Variants in ZFPM2 observed in about 807,000 individuals in gnomAD.
ZFPM2 encodes zinc finger protein, FOG family member 2.
A neutral mutation model predicts 98.6 loss-of-function variants in ZFPM2; 20 were observed. The observed-to-expected ratio is 0.20, with a 90% CI of 0.14 to 0.29. The LOEUF is 0.29. Among genes scored for constraint, ZFPM2 ranks in the 10% least tolerant of loss-of-function variants. The pLI is 1.00. For missense variants in ZFPM2, 1,310 were observed against 1,388.6 expected, an observed-to-expected ratio of 0.94 and a Z score of 0.90; for synonymous variants, 518 against 502.7, an observed-to-expected ratio of 1.03 and a Z score of -0.41.
At chr8:105,741,424 A>G (rs1812212700) in intron 5 of ZFPM2, among the ~76,000 whole-genome samples, 1 of 152,102 alleles carries the variant, frequency 6.6e-6, no homozygotes. Context: ...AGATCAAGAA[A>G]TTATAGTATA....
chr8:105,794,699 G>C (rs1586275233), intron 6 of ZFPM2, among the ~76,000 whole-genome samples: 1 of 152,326 alleles, frequency 6.6e-6, no homozygotes, highest in East Asian at 1.9e-4. Context: ...GCCTACAGAG[G>C]CAGGCAGACC....
At position 105,798,708 on chromosome 8, in the gene ZFPM2, G is replaced by C. The variant is rs553442012; in HGVS notation, c.740-16G>C. The C allele has an allele frequency of 3.1e-6, 5 of 1,603,636 alleles. No homozygotes were observed. The African/African-American group carries it at 6.7e-5, about 21-fold the overall frequency. On this transcript the variant is annotated splice_polypyrimidine_tract_variant and intron_variant, in intron 6 of 7. Coordinates refer to ENST00000407775, the MANE Select transcript of ZFPM2 (RefSeq NM_012082.4). ...ATGGACAGCAGCAAATGTGTCTCTT[G>C]TGTTTTTACCTGCAGAGGATATATT...
At chr8:105,669,535 C>CGT (rs774418053) in intron 5 of ZFPM2, among the ~76,000 whole-genome samples, 12,227 of 130,866 alleles carry the variant, frequency 0.093, 692 homozygotes, top group African/African-American at 0.17. Flanking sequence ...TGAAAGTGTG[C>CGT]ATGTGTGTGT....
intron 5 of ZFPM2, among the ~76,000 whole-genome samples, chr8:105,664,561 C>T (rs1037675914): frequency 1.3e-5 from 2 of 152,106 alleles, no homozygotes; most frequent in Non-Finnish European, 2.9e-5. Flanking sequence ...CTCCAACTCC[C>T]ATCCTCAGGT....
At chr8:105,758,093 A>C (rs1812646544) in intron 5 of ZFPM2, among the ~76,000 whole-genome samples, 1 of 152,160 alleles carries the variant, frequency 6.6e-6, no homozygotes. Flanking sequence ...AACCTGTGAC[A>C]ATGACAATTG....
chr8:105,443,322 AAAAC>A (rs1563661121), intron 2 of ZFPM2, among the ~76,000 whole-genome samples: 11 of 147,988 alleles, frequency 7.4e-5, no homozygotes, highest in South Asian at 2.1e-4. Flanking sequence ...CAAAAAACAA[AAAAC>A]AAAAAAAAAA....
rs541520486 is a variant in ZFPM2, at chr8:105,643,823, T to C, written c.532+9466T>C. Reference sequence around the variant, plus strand: ...TTGTTTCACAAAGAAAATGAGAAAGTGGTAGCACACGTAATGCTCCAAGGA... The same window carrying C: ...TTGTTTCACAAAGAAAATGAGAAAGCGGTAGCACACGTAATGCTCCAAGGA... On this transcript the variant is annotated intron_variant, in intron 5 of 7. Transcript: ENST00000407775. Among the ~76,000 whole-genome samples, 445 of 152,306 alleles carry C rather than the reference T, an allele frequency of 2.9e-3. 1 individual carries two copies. The highest frequency in any genetic ancestry group is 4.8e-3 in the Non-Finnish European group (325 of 68,016).
At chr8:105,352,293 C>T (rs1018673898) in intron 1 of ZFPM2, among the ~76,000 whole-genome samples, 14 of 152,124 alleles carry the variant, frequency 9.2e-5, no homozygotes, top group African/African-American at 3.4e-4. Flanking sequence ...GTTTTAAATA[C>T]CGAATTAAAA....
chr8:105,621,162 G>A (rs946906915), intron 4 of ZFPM2, among the ~76,000 whole-genome samples: 1 of 152,148 alleles, frequency 6.6e-6, no homozygotes, highest in Admixed American at 6.5e-5. Context: ...CAATCCATGA[G>A]CATGGAATGT....
intron 1 of ZFPM2, among the ~76,000 whole-genome samples, chr8:105,386,126 G>C (rs938964564): frequency 1.6e-4 from 25 of 152,212 alleles, no homozygotes; most frequent in African/African-American, 5.3e-4. Flanking sequence ...GGGGCAGGAG[G>C]GCTAGAGAAT....
intron 1 of ZFPM2, among the ~76,000 whole-genome samples, chr8:105,319,958 A>G (rs1811989803): frequency 6.6e-6 from 1 of 152,150 alleles, no homozygotes; most frequent in African/African-American, 2.4e-5. Context: ...ACATATCTTC[A>G]ACGCTTTGGC....
intron 3 of ZFPM2, among the ~76,000 whole-genome samples, chr8:105,544,695 A>T (rs980055180): frequency 6.6e-6 from 1 of 152,204 alleles, no homozygotes; most frequent in Non-Finnish European, 1.5e-5. Context: ...TGCAGTATTG[A>T]TTTAATAATC....
intron 3 of ZFPM2, among the ~76,000 whole-genome samples, chr8:105,496,157 C>CATTT (rs1300935429): frequency 1.3e-5 from 2 of 151,860 alleles, no homozygotes; most frequent in South Asian, 2.1e-4. Context: ...ATCTTTTTTA[C>CATTT]ATTTATTTAT....
At chr8:105,433,544 T>C (rs1812060527) in intron 2 of ZFPM2, among the ~76,000 whole-genome samples, 1 of 152,128 alleles carries the variant, frequency 6.6e-6, no homozygotes, top group African/African-American at 2.4e-5. Flanking sequence ...TCTCAGCACT[T>C]TGGGAGGCCG....
intron 5 of ZFPM2, among the ~76,000 whole-genome samples, chr8:105,720,675 T>C (rs1811639265): frequency 6.6e-6 from 1 of 151,922 alleles, no homozygotes; most frequent in Admixed American, 6.6e-5. Flanking sequence ...CTGACTTCAT[T>C]TTCCAATTCA....
chr8:105,677,179 T>C (rs1810490947), intron 5 of ZFPM2, among the ~76,000 whole-genome samples: 1 of 152,042 alleles, frequency 6.6e-6, no homozygotes, highest in Non-Finnish European at 1.5e-5. Flanking sequence ...AATATTTCTC[T>C]TTGAAATATA....
intron 4 of ZFPM2, among the ~76,000 whole-genome samples, chr8:105,592,842 C>T (rs1305004011): frequency 2.6e-5 from 4 of 152,040 alleles, no homozygotes; most frequent in Non-Finnish European, 4.4e-5. Context: ...TTAAAAAAGC[C>T]CAGTGATTGA....
chr8:105,329,787 A>C (rs1302430580), intron 1 of ZFPM2, among the ~76,000 whole-genome samples: 1 of 151,836 alleles, frequency 6.6e-6, no homozygotes, highest in Admixed American at 6.6e-5. Flanking sequence ...GGTTGGCACA[A>C]TGGGAGAACT....
intron 1 of ZFPM2, among the ~76,000 whole-genome samples, chr8:105,379,295 C>A (rs1294726931): frequency 6.6e-6 from 1 of 151,972 alleles, no homozygotes; most frequent in East Asian, 1.9e-4. Flanking sequence ...TAAAACAAAT[C>A]AAATTCCCAC....
Sources: allele counts gnomAD v4.1 joint callset (sites outside exome capture counted in the v4.1 genomes callset), GRCh38; gene constraint gnomAD v4.1.1; transcripts MANE v1.5; gene names NCBI Gene and HGNC (gene_info 2026-07-23, HGNC 2026-07-21).